The following ADAM10 variants were observed in gnomAD, a reference collection of about 807,000 sequenced individuals.
The protein encoded by ADAM10 is disintegrin and metalloproteinase domain-containing protein 10.
In ADAM10, 17 loss-of-function variants were observed where a neutral mutation model predicts 90.1. The observed-to-expected ratio is 0.19, with a 90% confidence interval of 0.13 to 0.28. The LOEUF (loss-of-function observed/expected upper bound fraction) is 0.28. Ranked by LOEUF, ADAM10 falls within the 10% of genes least tolerant of loss-of-function variation. The probability of loss-of-function intolerance (pLI) is 1.00; values close to 1 mark genes in which losing one functional copy is unlikely to be tolerated. For synonymous variants in ADAM10, 310 were observed against 298.6 expected, an observed-to-expected ratio of 1.04 and a Z score of -0.40; for missense variants, 610 against 914.3, an observed-to-expected ratio of 0.67 and a Z score of 4.29.
At chr15:58,704,192 T>C (rs1898215118) in intron 2 of ADAM10, 1 of 152,226 alleles carries the variant, frequency 6.6e-6, no homozygotes, top group African/African-American at 2.4e-5. Flanking sequence ...AATGGACTAA[T>C]ACAGTAAGTG....
chr15:58,656,947 G>C (rs1896843085), intron 5 of ADAM10, among the ~76,000 whole-genome samples: 1 of 152,092 alleles, frequency 6.6e-6, no homozygotes, highest in Admixed American at 6.6e-5. Context: ...GTGTTTGAAG[G>C]CTATTTCCCT....
intron 5 of ADAM10, among the ~76,000 whole-genome samples, chr15:58,662,589 T>G (rs1896994963): frequency 6.6e-6 from 1 of 152,338 alleles, no homozygotes; most frequent in East Asian, 1.9e-4. Flanking sequence ...CAAGTGGTCC[T>G]GCTGCCTCAG....
intron 3 of ADAM10, 120 bp downstream of exon 3, chr15:58,682,076 G>C: frequency 7.2e-7 from 1 of 1,392,594 alleles, no homozygotes; most frequent in Non-Finnish European, 9.8e-7. Flanking sequence ...CCCTTCATAT[G>C]AATTCAACCT....
intron 14 of ADAM10, among the ~76,000 whole-genome samples, chr15:58,602,807 T>C (rs1465852806): frequency 6.6e-6 from 1 of 152,194 alleles, no homozygotes. Context: ...AACTGTATCA[T>C]GGTTGTCCCT....
chr15:58,738,334 G>T (rs1342765332), intron 1 of ADAM10, among the ~76,000 whole-genome samples: 1 of 152,148 alleles, frequency 6.6e-6, no homozygotes, highest in South Asian at 2.1e-4. Context: ...CTGTTCTCCT[G>T]TATGACAAAG....
chr15:58,681,665 G>A (rs1245892772), intron 3 of ADAM10, among the ~76,000 whole-genome samples: 2 of 152,106 alleles, frequency 1.3e-5, no homozygotes, highest in African/African-American at 2.4e-5. Context: ...TTTCTATTGG[G>A]TTAAGTGTGC....
chr15:58,669,467 T>C (rs1381925621), intron 4 of ADAM10, among the ~76,000 whole-genome samples: 1 of 152,182 alleles, frequency 6.6e-6, no homozygotes, highest in African/African-American at 2.4e-5. Context: ...AGATTACACC[T>C]AAGTTGTATT....
chr15:58,705,834 TGA>T (rs1165949298), intron 2 of ADAM10, among the ~76,000 whole-genome samples: 1 of 152,254 alleles, frequency 6.6e-6, no homozygotes, highest in Non-Finnish European at 1.5e-5. Context: ...TAACATATTT[TGA>T]GAGAGACCAC....
At chr15:58,749,244 T>C (rs1342225438) in intron 1 of ADAM10, among the ~76,000 whole-genome samples, 2 of 151,966 alleles carry the variant, frequency 1.3e-5, no homozygotes, top group Non-Finnish European at 2.9e-5. Flanking sequence ...GCCAGGGCGG[T>C]GGGGGGCGGG....
At chr15:58,747,761 G>C (rs1378858811) in intron 1 of ADAM10, 3 of 152,108 alleles carry the variant, frequency 2.0e-5, no homozygotes, top group South Asian at 2.1e-4. Flanking sequence ...GAAAATTTTT[G>C]TATAAGAGTT....
chr15:58,701,019 A>C lies in ADAM10; in HGVS notation c.206+16558T>G, dbSNP rs563770261. 7.4e-3 allele frequency among the ~76,000 whole-genome samples: 970 copies of C among 130,568 alleles called. 17 individuals are homozygous for C. The highest frequency in any genetic ancestry group is 0.011 in the Non-Finnish European group (655 of 62,318). The allele number at this position is 130,568 out of a possible 152,430, so 85.7% of individuals were successfully genotyped here. A position where few individuals can be genotyped will look rare whatever the true frequency, so the allele number is the denominator to read the frequency against. On this transcript the variant is annotated intron_variant, in intron 2 of 15. Transcript: ENST00000260408. ...AATTCCAACTTAAAAAAAAACAAAA[A>C]AACAAAAAAAAAAAAACAGGGCAGA...
chr15:58,616,373 A>G (rs1280372293), intron 11 of ADAM10, among the ~76,000 whole-genome samples: 1 of 152,244 alleles, frequency 6.6e-6, no homozygotes, highest in African/African-American at 2.4e-5. Flanking sequence ...GATAGACCAC[A>G]TATTAGGCTA....
At chr15:58,716,309 A>G (rs1387146554) in intron 2 of ADAM10, among the ~76,000 whole-genome samples, 1 of 152,192 alleles carries the variant, frequency 6.6e-6, no homozygotes, top group Non-Finnish European at 1.5e-5. Flanking sequence ...AACAGAAAAC[A>G]CGGTTATGGA....
chr15:58,740,210 G>T (rs182094577), intron 1 of ADAM10, among the ~76,000 whole-genome samples: 14 of 152,152 alleles, frequency 9.2e-5, no homozygotes, highest in Non-Finnish European at 1.8e-4. Flanking sequence ...TAGAGTTCGA[G>T]GCCAGCCTGG....
At chr15:58,648,023 T>C (rs2140700259) in intron 5 of ADAM10, among the ~76,000 whole-genome samples, 1 of 152,298 alleles carries the variant, frequency 6.6e-6, no homozygotes, top group South Asian at 2.1e-4. Context: ...CCCTTAATAA[T>C]TCCATGTGAA....
chr15:58,687,486 G>C (rs1311317040), intron 2 of ADAM10, among the ~76,000 whole-genome samples: 3 of 152,006 alleles, frequency 2.0e-5, no homozygotes, highest in East Asian at 1.9e-4. Context: ...ATGTGAATCT[G>C]ATTTAATTTG....
At chr15:58,652,797 A>G (rs1330293719) in intron 5 of ADAM10, among the ~76,000 whole-genome samples, 2 of 141,450 alleles carry the variant, frequency 1.4e-5, no homozygotes, top group Non-Finnish European at 3.0e-5. Flanking sequence ...TTTGGTAGCA[A>G]TTGCATTGCC....
At chr15:58,702,968 G>A (rs1267605065) in intron 2 of ADAM10, among the ~76,000 whole-genome samples, 2 of 152,060 alleles carry the variant, frequency 1.3e-5, no homozygotes, top group Non-Finnish European at 2.9e-5. Context: ...CCAAGCGACT[G>A]GATTATAGCT....
At chr15:58,692,115 C>T (rs749104572) in intron 2 of ADAM10, 1 of 496,936 alleles carries the variant, frequency 2.0e-6, no homozygotes, top group African/African-American at 2.0e-5. Context: ...ATCAAATCAT[C>T]AAAGCTGTCC....
Sources: gnomAD v4.1 joint callset for allele counts (sites outside exome capture counted in the v4.1 genomes callset) on GRCh38, gnomAD v4.1.1 for gene constraint, MANE v1.5 for transcripts, NCBI Gene and HGNC (gene_info 2026-07-23, HGNC 2026-07-21) for gene names.